The following ZFHX3 variants were observed in gnomAD, a reference collection of about 807,000 sequenced individuals.
ZFHX3 encodes the protein zinc finger homeobox protein 3.
ZFHX3 carries 42 observed loss-of-function variants against 279.1 expected under a neutral mutation model. The ratio of observed to expected loss-of-function variants is 0.15; its 90% CI spans 0.12 to 0.19. The LOEUF (loss-of-function observed/expected upper bound fraction) is 0.19, where lower values mean the gene tolerates loss of function less well. ZFHX3 is among the 10% of genes least tolerant of loss of function. ZFHX3 has a pLI of 1.00. For missense variants in ZFHX3, 4,981 were observed against 4,754.0 expected, an observed-to-expected ratio of 1.05 and a Z score of -1.40; for synonymous variants, 2,293 against 1,957.8, an observed-to-expected ratio of 1.17 and a Z score of -4.52.
intron 2 of ZFHX3, among the ~76,000 whole-genome samples, chr16:73,560,212 A>G (rs2020349140): frequency 6.7e-6 from 1 of 149,852 alleles, no homozygotes; most frequent in Non-Finnish European, 1.5e-5. Context: ...TTCAAGGACT[A>G]TTTCAGAGAC....
chr16:73,723,561 A>G (rs1326858849), intron 1 of ZFHX3, among the ~76,000 whole-genome samples: 1 of 152,232 alleles, frequency 6.6e-6, no homozygotes, highest in Non-Finnish European at 1.5e-5. Flanking sequence ...CAATTAGAAA[A>G]AAAATGAGAA....
At chr16:73,132,464 G>A (rs1966704609) in intron 6 of ZFHX3, among the ~76,000 whole-genome samples, 1 of 152,162 alleles carries the variant, frequency 6.6e-6, no homozygotes. Flanking sequence ...TATGATAGCA[G>A]GTTTCAGGAA....
chr16:73,293,986 CAAAAAAAAAAA>C (rs56783722), intron 4 of ZFHX3: 1 of 41,734 alleles, frequency 2.4e-5, no homozygotes, highest in Non-Finnish European at 4.5e-5. Context: ...GTCAATATGC[CAAAAAAAAAAA>C]AAAAAAAAAA....
At chr16:73,354,397 T>G (rs567448456) in intron 3 of ZFHX3, among the ~76,000 whole-genome samples, 1 of 152,312 alleles carries the variant, frequency 6.6e-6, no homozygotes, top group South Asian at 2.1e-4. Flanking sequence ...TCCAAATTCT[T>G]AACTGGCTGC....
chr16:73,791,482 C>T (rs562010340), intron 1 of ZFHX3, among the ~76,000 whole-genome samples: 2 of 152,146 alleles, frequency 1.3e-5, no homozygotes, highest in East Asian at 1.9e-4. Flanking sequence ...CGGAGTGCAG[C>T]GGCGCCATCT....
rs749765935 is a variant in ZFHX3 at position 72,811,934 on chromosome 16, T to C, written c.3634A>G (p.Lys1212Glu). Residue 1212 changes from lysine (K) to glutamate (E), a missense_variant, in exon 6 of 10, where the codon AAA becomes GAA. Lys to Glu is a moderately conservative substitution (Grantham distance 56, BLOSUM62 1). Around this residue, in one of 7 missense-constraint regions of ZFHX3, gnomAD observed 1,751 missense variants for 1,770.0 expected, o/e 0.99. Coordinates refer to ENST00000268489, the MANE Select transcript of ZFHX3 (RefSeq NM_006885.4). Reference sequence around the variant, plus strand: ...TCCGGTTTGATCTCCTCAGCTGTTTTTGGTCGCTTCGAAGAGAGGGGAGAC... The same window carrying C: ...TCCGGTTTGATCTCCTCAGCTGTTTCTGGTCGCTTCGAAGAGAGGGGAGAC... ...SESPLSSKRP[K>E]TAEEIKPEQM... 4 of 1,614,004 alleles carry C rather than the reference T, an allele frequency of 2.5e-6. No individual in the cohort carries two copies. The highest frequency in any genetic ancestry group is 1.7e-5 in the Admixed American group (1 of 59,998).
intron 4 of ZFHX3, among the ~76,000 whole-genome samples, chr16:72,860,001 G>A (rs1316811739): frequency 6.6e-6 from 1 of 152,190 alleles, no homozygotes. Flanking sequence ...AGGCATCTCC[G>A]AAGGGGTGGC....
intron 2 of ZFHX3, among the ~76,000 whole-genome samples, chr16:73,655,894 C>G (rs908116628): frequency 6.6e-6 from 1 of 152,170 alleles, no homozygotes; most frequent in African/African-American, 2.4e-5. Flanking sequence ...AATTATTGTA[C>G]ATTTGCGCCA....
intron 3 of ZFHX3, among the ~76,000 whole-genome samples, chr16:73,407,334 T>G (rs963090298): frequency 6.6e-6 from 1 of 152,176 alleles, no homozygotes; most frequent in Non-Finnish European, 1.5e-5. Flanking sequence ...ACCGATTGCA[T>G]TGGAAAATGA....
chr16:73,579,478 T>C (rs994086595), intron 2 of ZFHX3, among the ~76,000 whole-genome samples: 9 of 151,966 alleles, frequency 5.9e-5, no homozygotes, highest in African/African-American at 2.2e-4. Context: ...AAAATGTGTA[T>C]AATATATAAA....
intron 2 of ZFHX3, chr16:73,543,905 A>AGAGAGAGG (rs1555523944): frequency 1.4e-4 from 21 of 151,514 alleles, no homozygotes; most frequent in African/African-American, 4.6e-4. Flanking sequence ...AGAGAGAGAG[A>AGAGAGAGG]GAGAGACAGA....
At chr16:73,866,478 C>T (rs1962024931) in intron 1 of ZFHX3, among the ~76,000 whole-genome samples, 1 of 151,952 alleles carries the variant, frequency 6.6e-6, no homozygotes, top group African/African-American at 2.4e-5. Flanking sequence ...CACTTTTCTC[C>T]AAACAAGACA....
chr16:73,749,122 C>T (rs572510329), intron 1 of ZFHX3, among the ~76,000 whole-genome samples: 1 of 152,086 alleles, frequency 6.6e-6, no homozygotes, highest in Non-Finnish European at 1.5e-5. Flanking sequence ...AATCTTTCAG[C>T]CTTCCAAATA....
intron 1 of ZFHX3, among the ~76,000 whole-genome samples, chr16:73,744,904 C>G (rs766469766): frequency 2.0e-5 from 3 of 152,188 alleles, no homozygotes; most frequent in Non-Finnish European, 4.4e-5. Flanking sequence ...TGGATTAAAT[C>G]TTGCAATTAG....
At chr16:73,820,338 G>C (rs1164518822) in intron 1 of ZFHX3, among the ~76,000 whole-genome samples, 2 of 152,120 alleles carry the variant, frequency 1.3e-5, no homozygotes, top group Non-Finnish European at 2.9e-5. Context: ...CTCCCAAAGT[G>C]CTGGGATTAC....
At chr16:73,001,024 C>G (rs71388953) in intron 1 of ZFHX3, among the ~76,000 whole-genome samples, 1 of 152,244 alleles carries the variant, frequency 6.6e-6, no homozygotes, top group African/African-American at 2.4e-5. Context: ...GTAGTCCCCT[C>G]CCCTTGGGAG....
chr16:73,679,264 C>A (rs1475541260), intron 2 of ZFHX3, among the ~76,000 whole-genome samples: 1 of 152,034 alleles, frequency 6.6e-6, no homozygotes, highest in Non-Finnish European at 1.5e-5. Context: ...AGTCCCTGCT[C>A]TTTTTTAACA....
chr16:73,612,938 G>T (rs771627521), intron 2 of ZFHX3, among the ~76,000 whole-genome samples: 4 of 151,992 alleles, frequency 2.6e-5, no homozygotes, highest in Admixed American at 6.6e-5. Context: ...AAAAGGAGGA[G>T]ATGAGGGCAT....
At chr16:73,855,809 T>C (rs1961711970) in intron 1 of ZFHX3, among the ~76,000 whole-genome samples, 1 of 152,168 alleles carries the variant, frequency 6.6e-6, no homozygotes, top group Non-Finnish European at 1.5e-5. Context: ...CAGGGAACAT[T>C]CAGCAAAGGC....
Sources: gnomAD v4.1 joint callset for allele counts (sites outside exome capture counted in the v4.1 genomes callset) on GRCh38, gnomAD v4.1.1 for gene constraint, gnomAD v4.1.1 regional missense constraint, MANE v1.5 for transcripts, NCBI Gene and HGNC (gene_info 2026-07-23, HGNC 2026-07-21) for gene names.